The following UBN2 variants were observed in gnomAD, a reference collection of about 807,000 sequenced individuals.
UBN2 encodes the protein ubinuclein-2.
UBN2 carries 35 observed loss-of-function variants against 120.2 expected under a neutral mutation model. That is an observed-to-expected ratio of 0.29 (90% CI 0.22 to 0.39). UBN2 has a LOEUF of 0.39. UBN2 is among the 10% of genes least tolerant of loss of function. UBN2 has a pLI of 1.00. For missense variants in UBN2, 1,693 were observed against 1,663.2 expected (o/e 1.02, Z -0.31); for synonymous variants, 661 against 648.7 (o/e 1.02, Z -0.29).
intron 2 of UBN2, among the ~76,000 whole-genome samples, chr7:139,251,298 A>G (rs138945508): frequency 4.9e-4 from 75 of 152,330 alleles, no homozygotes; most frequent in African/African-American, 1.6e-3. Flanking sequence ...ACATCTTGCA[A>G]TGTTGTTGAC....
Position 139,288,203 on chromosome 7 carries a change from T to C in UBN2, c.3669+3629T>C, listed in dbSNP as rs542855994. ...GGGATGAACAGCATACTCACACATA[T>C]AGTCTAGGTAGGAAGACAAGGAAAA... On this transcript the variant is annotated intron_variant, in intron 15 of 17. Coordinates refer to ENST00000473989, the MANE Select transcript of UBN2 (RefSeq NM_173569.4). Among the ~76,000 whole-genome samples, 7 of 152,314 alleles carry C rather than the reference T, an allele frequency of 4.6e-5. No individual in the cohort carries two copies. In the South Asian group the frequency reaches 1.0e-3, roughly 23 times the overall value.
intron 3 of UBN2, among the ~76,000 whole-genome samples, chr7:139,256,528 C>T (rs939948032): frequency 5.3e-5 from 8 of 152,080 alleles, no homozygotes; most frequent in Admixed American, 4.6e-4. Flanking sequence ...TAATATTTGC[C>T]TTTCTTACCT....
At chr7:139,281,371 C>T (rs1274735746) in intron 13 of UBN2, among the ~76,000 whole-genome samples, 4 of 152,116 alleles carry the variant, frequency 2.6e-5, no homozygotes, top group Middle Eastern at 3.4e-3. Flanking sequence ...GCAAATAACC[C>T]GGAAAAGTAA....
Position 139,303,989 on chromosome 7 carries a change from AGTTTTAACTGTC to A in UBN2, c.*6154_*6165del, listed in dbSNP as rs1798314969. The A allele has an allele frequency of 1.3e-5, 2 of 152,286 alleles. No homozygotes were observed. Among genetic ancestry groups the A allele is most frequent in the East Asian group, 3.9e-4 (2 of 5,178 alleles). 9.4% of individuals were successfully genotyped at this position (152,286 alleles called of 1,614,324 possible). ...ATTGGAGTTGATAAATGATCCTGGAAGTTTTAACTGTCTCACTTTTCCATCTTCTCAGTCTAA... is the reference window on the plus strand; with the variant it reads ...ATTGGAGTTGATAAATGATCCTGGAATCACTTTTCCATCTTCTCAGTCTAA... On this transcript the variant is annotated 3_prime_UTR_variant, in exon 18 of 18. Coordinates refer to ENST00000473989, the MANE Select transcript of UBN2 (RefSeq NM_173569.4).
Position 139,298,618 on chromosome 7 carries a change from G to A in UBN2, c.*782G>A, listed in dbSNP as rs1798176770. On this transcript the variant is annotated 3_prime_UTR_variant, in exon 18 of 18. Coordinates refer to ENST00000473989, the MANE Select transcript of UBN2 (RefSeq NM_173569.4). ...GCAGGTACTTAACTCTTTTCTTCAG[G>A]TGATTTGTGCATCTAGTATTGACTG... 1 of 151,612 alleles carries A rather than the reference G, an allele frequency of 6.6e-6. No individual in the cohort carries two copies. Among genetic ancestry groups the A allele is most frequent in the Non-Finnish European group, 1.5e-5 (1 of 67,930 alleles). The allele number at this position is 151,612 out of a possible 1,614,324, so 9.4% of individuals were successfully genotyped here.
chr7:139,320,233 G>A, the UBN2 span, among the ~76,000 whole-genome samples: 176 of 151,108 alleles, frequency 1.2e-3, no homozygotes, highest in African/African-American at 4.0e-3. Flanking sequence ...AGACCAAGGC[G>A]GGCGGATCAC....
At chr7:139,277,075 G>T (rs9691007) in intron 12 of UBN2, 1 of 149,822 alleles carries the variant, frequency 6.7e-6, no homozygotes, top group Non-Finnish European at 1.5e-5. Flanking sequence ...AAAAAAAAAA[G>T]GGGGGGGTTA....
intron 2 of UBN2, among the ~76,000 whole-genome samples, chr7:139,237,879 G>A (rs983952565): frequency 1.3e-5 from 2 of 152,100 alleles, no homozygotes; most frequent in African/African-American, 2.4e-5. Context: ...AGCTCATTGC[G>A]TCAGACTCAG....
chr7:139,268,395 GA>G (rs1797160367), intron 7 of UBN2, among the ~76,000 whole-genome samples: 1 of 151,902 alleles, frequency 6.6e-6, no homozygotes, highest in Non-Finnish European at 1.5e-5. Flanking sequence ...CCTTCTAAGA[GA>G]ATATGGAACA....
At chr7:139,291,342 C>T (rs1303906058) in intron 15 of UBN2, among the ~76,000 whole-genome samples, 1 of 113,646 alleles carries the variant, frequency 8.8e-6, no homozygotes, top group Non-Finnish European at 1.6e-5. Context: ...GCCTGGGCAA[C>T]AGAGTGAGAC....
Position 139,260,697 on chromosome 7 carries a change from A to G in UBN2, c.906-555A>G, listed in dbSNP as rs185812986. ...TTACAGTCATTAAGAAATTAGGAGG[A>G]AAAATGTGTATATTACTAATGGTTG... On this transcript the variant is annotated intron_variant, in intron 5 of 17. Coordinates refer to ENST00000473989, the MANE Select transcript of UBN2 (RefSeq NM_173569.4). 7.2e-5 allele frequency among the ~76,000 whole-genome samples: 11 copies of G among 152,304 alleles called. No homozygotes were observed. The East Asian group carries it at 2.1e-3, about 29-fold the overall frequency.
intron 3 of UBN2, among the ~76,000 whole-genome samples, chr7:139,254,515 A>G (rs1430861332): frequency 1.3e-5 from 2 of 152,226 alleles, no homozygotes; most frequent in Non-Finnish European, 2.9e-5. Context: ...ATCTTAATTC[A>G]GTTTCTAATT....
intron 15 of UBN2, among the ~76,000 whole-genome samples, chr7:139,290,667 G>C (rs960985395): frequency 3.3e-5 from 5 of 152,148 alleles, no homozygotes; most frequent in African/African-American, 1.2e-4. Context: ...CAGATATGCA[G>C]GATGGAAATT....
intron 2 of UBN2, among the ~76,000 whole-genome samples, chr7:139,245,927 G>C (rs2130947288): frequency 6.6e-6 from 1 of 152,324 alleles, no homozygotes; most frequent in East Asian, 1.9e-4. Flanking sequence ...AAGGTGGTTT[G>C]AGTCAACATG....
chr7:139,249,237 A>T (rs1796552906), intron 2 of UBN2, among the ~76,000 whole-genome samples: 1 of 152,212 alleles, frequency 6.6e-6, no homozygotes, highest in South Asian at 2.1e-4. Context: ...TTTCTTGGTG[A>T]TGATGGTATA....
At chr7:139,250,548 A>G (rs73170931) in intron 2 of UBN2, among the ~76,000 whole-genome samples, 2,127 of 146,852 alleles carry the variant, frequency 0.014, 31 homozygotes, top group Non-Finnish European at 0.023. Flanking sequence ...CCCTGTATCA[A>G]AAAAAAAAAA....
intron 6 of UBN2, among the ~76,000 whole-genome samples, chr7:139,263,445 CA>C: frequency 6.6e-6 from 1 of 152,106 alleles, no homozygotes; most frequent in Non-Finnish European, 1.5e-5. Context: ...GGTTGGAAAT[CA>C]CAATAGTAGG....
chr7:139,282,284 T>C (rs1451606401), intron 14 of UBN2, among the ~76,000 whole-genome samples: 1 of 152,240 alleles, frequency 6.6e-6, no homozygotes, highest in Non-Finnish European at 1.5e-5. Flanking sequence ...GTTCTTTTTC[T>C]TAAATATTAA....
At chr7:139,290,423 C>T (rs540306005) in intron 15 of UBN2, among the ~76,000 whole-genome samples, 1 of 152,210 alleles carries the variant, frequency 6.6e-6, no homozygotes, top group Admixed American at 6.5e-5. Flanking sequence ...AAGATTTGTA[C>T]TTAAGTGTAA....
Sources: gnomAD v4.1 joint callset for allele counts (sites outside exome capture counted in the v4.1 genomes callset) on GRCh38, gnomAD v4.1.1 for gene constraint, MANE v1.5 for transcripts, NCBI Gene and HGNC (gene_info 2026-07-23, HGNC 2026-07-21) for gene names.